Variants in ARSB observed in about 807,000 individuals in gnomAD.
The protein encoded by ARSB is N-acetylgalactosamine-4-sulfatase.
ARSB carries 41 observed loss-of-function variants against 50.9 expected under a neutral mutation model. The observed-to-expected ratio is 0.81, with a 90% CI of 0.63 to 1.04. The LOEUF (loss-of-function observed/expected upper bound fraction) is 1.04, where lower values mean the gene tolerates loss of function less well. ARSB is among the 50% of genes least tolerant of loss of function. The pLI is 0.00. For missense variants in ARSB, 672 were observed against 693.3 expected (o/e 0.97, Z 0.35); for synonymous variants, 269 against 284.8 (o/e 0.94, Z 0.56).
At chr5:78,832,908 A>C (rs1744754193) in intron 6 of ARSB, among the ~76,000 whole-genome samples, 1 of 151,920 alleles carries the variant, frequency 6.6e-6, no homozygotes, top group Admixed American at 6.6e-5. Context: ...AAATATATAC[A>C]CCTATGTTAC....
intron 4 of ARSB, among the ~76,000 whole-genome samples, chr5:78,902,578 G>A (rs929407872): frequency 9.2e-5 from 14 of 152,142 alleles, no homozygotes; most frequent in Non-Finnish European, 1.8e-4. Context: ...GGGATATTAT[G>A]CATCAGCAAA....
Position 78,779,122 on chromosome 5 carries a change from T to C in ARSB, c.*1275A>G, listed in dbSNP as rs576847356. 1 of 151,774 alleles carries C rather than the reference T, an allele frequency of 6.6e-6. No individual in the cohort carries two copies. The highest frequency in any genetic ancestry group is 2.4e-5 in the African/African-American group (1 of 41,330). The allele number at this position is 151,774 out of a possible 1,614,324, so 9.4% of individuals were successfully genotyped here. ...ATGGTGGGGCTAATGCAGAAAAGAG[T>C]ATCATTTTTGCACACATTTCTCTGG... On this transcript the variant is annotated 3_prime_UTR_variant, in exon 8 of 8. Coordinates refer to ENST00000264914, the MANE Select transcript of ARSB (RefSeq NM_000046.5).
chr5:78,888,781 G>C (rs1417399065), intron 4 of ARSB, among the ~76,000 whole-genome samples: 1 of 152,204 alleles, frequency 6.6e-6, no homozygotes, highest in Non-Finnish European at 1.5e-5. Flanking sequence ...CTGTAGGAAA[G>C]GGAAGGTGTT....
In ARSB at chr5:78,780,025, A is replaced by T; in HGVS notation, c.*372T>A. On this transcript the variant is annotated 3_prime_UTR_variant, in exon 8 of 8. Coordinates refer to ENST00000264914, the MANE Select transcript of ARSB (RefSeq NM_000046.5). The stretch of plus-strand genomic sequence containing the variant: ...CGTAAGAAATGTGATTCACTCCAAT[A>T]AAACTGGCTATTGGCAGAGGGGAAT... The T allele has an allele frequency of 3.4e-6, 1 of 294,814 alleles. No individual in the cohort carries two copies. The highest frequency in any genetic ancestry group is 6.6e-6 in the Non-Finnish European group (1 of 151,914). 18.3% of individuals were successfully genotyped at this position (294,814 alleles called of 1,614,324 possible).
chr5:78,815,002 T>C (rs1341920080), intron 6 of ARSB, among the ~76,000 whole-genome samples: 3 of 149,718 alleles, frequency 2.0e-5, no homozygotes, highest in Non-Finnish European at 3.0e-5. Flanking sequence ...GCACACAAAG[T>C]AAAAAAAACC....
intron 4 of ARSB, among the ~76,000 whole-genome samples, chr5:78,937,340 TATATATATC>T (rs1319494342): frequency 2.9e-5 from 4 of 138,820 alleles, no homozygotes; most frequent in Non-Finnish European, 6.2e-5. Flanking sequence ...ATATGTAAGA[TATATATATC>T]ATATATATGT....
In ARSB at chr5:78,780,278, T is replaced by C; in HGVS notation, c.*119A>G. ...GTTGAAATTAGACACCTCGGTGTGGTTTAAGAGCAAGAGAAGGGCCAAGTG... is the reference window on the plus strand; with the variant it reads ...GTTGAAATTAGACACCTCGGTGTGGCTTAAGAGCAAGAGAAGGGCCAAGTG... On this transcript the variant is annotated 3_prime_UTR_variant, in exon 8 of 8. Coordinates refer to ENST00000264914, the MANE Select transcript of ARSB (RefSeq NM_000046.5). 2.1e-6 allele frequency: 3 copies of C among 1,405,224 alleles called. No homozygotes were observed. The highest frequency in any genetic ancestry group is 3.0e-6 in the Non-Finnish European group (3 of 997,676). The allele number at this position is 1,405,224 out of a possible 1,614,324, so 87.0% of individuals were successfully genotyped here.
At chr5:78,929,828 TACTGATCTTC>T (rs1390702869) in intron 4 of ARSB, among the ~76,000 whole-genome samples, 1 of 151,344 alleles carries the variant, frequency 6.6e-6, no homozygotes, top group African/African-American at 2.4e-5. Flanking sequence ...GACTGTATCT[TACTGATCTTC>T]AGAACTCCTC....
At chr5:78,856,258 G>A (rs1273755517) in intron 5 of ARSB, among the ~76,000 whole-genome samples, 8 of 152,104 alleles carry the variant, frequency 5.3e-5, no homozygotes, top group Non-Finnish European at 1.2e-4. Context: ...TTGTTATAGA[G>A]GTCACCATAT....
At chr5:78,898,779 G>C (rs1748680563) in intron 4 of ARSB, among the ~76,000 whole-genome samples, 1 of 152,080 alleles carries the variant, frequency 6.6e-6, no homozygotes, top group Admixed American at 6.6e-5. Flanking sequence ...GCTTCTAGAG[G>C]CTGTTTTCAC....
At chr5:78,791,848 G>A (rs1227915841) in intron 6 of ARSB, among the ~76,000 whole-genome samples, 3 of 152,142 alleles carry the variant, frequency 2.0e-5, no homozygotes, top group African/African-American at 7.2e-5. Flanking sequence ...CTTAATTTTT[G>A]AAGATGAAAA....
intron 4 of ARSB, among the ~76,000 whole-genome samples, chr5:78,909,939 C>A (rs983649519): frequency 1.3e-5 from 2 of 152,180 alleles, no homozygotes; most frequent in African/African-American, 4.8e-5. Context: ...GGAGAAAAGC[C>A]GCCCTGTGGC....
chr5:78,839,305 A>C (rs1368834540), intron 6 of ARSB, 51 bp downstream of exon 6: 1 of 1,556,928 alleles, frequency 6.4e-7, no homozygotes. Context: ...TAATCAAACC[A>C]TCTTGGTGGG....
At chr5:78,957,351 C>T (rs532526961) in intron 3 of ARSB, among the ~76,000 whole-genome samples, 15 of 152,216 alleles carry the variant, frequency 9.9e-5, no homozygotes, top group Admixed American at 5.9e-4. Context: ...ATTACACATC[C>T]TTGTAATGCA....
At chr5:78,973,773 CTT>C (rs1752552435) in intron 1 of ARSB, among the ~76,000 whole-genome samples, 1 of 152,206 alleles carries the variant, frequency 6.6e-6, no homozygotes, top group Non-Finnish European at 1.5e-5. Context: ...GATAGATGCT[CTT>C]TCTCTCCTCA....
At chr5:78,785,321 CAT>C (rs1288040752) in intron 6 of ARSB, among the ~76,000 whole-genome samples, 1 of 152,050 alleles carries the variant, frequency 6.6e-6, no homozygotes, top group Non-Finnish European at 1.5e-5. Context: ...ATGTAAAAAA[CAT>C]GTAGTCTGAA....
In ARSB at chr5:78,944,597, T is replaced by C. The variant is rs534137250; in HGVS notation, c.898+10698A>G. Among the ~76,000 whole-genome samples the C allele has an allele frequency of 2.6e-5, 4 of 152,264 alleles. No homozygotes were observed. The South Asian group carries it at 6.2e-4, about 24-fold the overall frequency. ...AGTGGAGGCTGCAGAACAGCGGATA[T>C]TGGTGAACAGCAAATGTTGCTGCAT... On this transcript the variant is annotated intron_variant, in intron 4 of 7. Coordinates refer to ENST00000264914, the MANE Select transcript of ARSB (RefSeq NM_000046.5).
At position 78,889,361 on chromosome 5, in the gene ARSB, G is replaced by A. The variant is rs574106106; in HGVS notation, c.899-3534C>T. ...ATTTTCCCTTCTAGTTTTATTTTTCGGCAAAAGTTAATTTCTTTCTTGTTA... is the reference window on the plus strand; with the variant it reads ...ATTTTCCCTTCTAGTTTTATTTTTCAGCAAAAGTTAATTTCTTTCTTGTTA... On this transcript the variant is annotated intron_variant, in intron 4 of 7. Coordinates refer to ENST00000264914, the MANE Select transcript of ARSB (RefSeq NM_000046.5). Among the ~76,000 whole-genome samples, 80 of 152,086 alleles carry A rather than the reference G, an allele frequency of 5.3e-4. No individual in the cohort carries two copies. The South Asian group carries it at 0.012, about 23-fold the overall frequency.
At chr5:78,932,580 A>T (rs1021759435) in intron 4 of ARSB, among the ~76,000 whole-genome samples, 3 of 152,204 alleles carry the variant, frequency 2.0e-5, no homozygotes, top group Non-Finnish European at 4.4e-5. Flanking sequence ...CAGTGATTAT[A>T]AGCTTGAGCT....
Sources: allele counts gnomAD v4.1 joint callset (sites outside exome capture counted in the v4.1 genomes callset), GRCh38; gene constraint gnomAD v4.1.1; transcripts MANE v1.5; gene names NCBI Gene and HGNC (gene_info 2026-07-23, HGNC 2026-07-21).